The following RBFOX1 variants were observed in gnomAD, a reference collection of about 807,000 sequenced individuals.
RBFOX1 encodes RNA binding fox-1 homolog 1.
In RBFOX1, 8 loss-of-function variants were observed where a neutral mutation model predicts 57.7. That is an observed-to-expected ratio of 0.14 (90% CI 0.08 to 0.25). The LOEUF (loss-of-function observed/expected upper bound fraction) is 0.25, where lower values mean the gene tolerates loss of function less well. Among genes scored for constraint, RBFOX1 ranks in the 10% least tolerant of loss-of-function variants. RBFOX1 has a pLI of 1.00. For synonymous variants in RBFOX1, 326 were observed against 222.4 expected (o/e 1.47, Z -4.15); for missense variants, 611 against 548.5 (o/e 1.11, Z -1.14).
intron 2 of RBFOX1, among the ~76,000 whole-genome samples, chr16:6,637,958 G>A (rs2098458787): frequency 1.3e-5 from 2 of 152,002 alleles, no homozygotes; most frequent in Non-Finnish European, 2.9e-5. Flanking sequence ...CAGTATATTA[G>A]CCTTCATAAT....
intron 3 of RBFOX1, among the ~76,000 whole-genome samples, chr16:6,868,836 A>C (rs1165626818): frequency 2.0e-5 from 3 of 152,158 alleles, no homozygotes; most frequent in African/African-American, 7.2e-5. Flanking sequence ...GCTTTGCCAT[A>C]TGACTTACTT....
At chr16:7,698,997 C>T (rs1452754747) in intron 14 of RBFOX1, among the ~76,000 whole-genome samples, 1 of 152,182 alleles carries the variant, frequency 6.6e-6, no homozygotes, top group Non-Finnish European at 1.5e-5. Context: ...TTATCAAATT[C>T]TAGAAGAATG....
intron 1 of RBFOX1, chr16:5,270,719 A>T (rs779638820): frequency 9.5e-5 from 47 of 495,054 alleles, no homozygotes; most frequent in Middle Eastern, 6.4e-4. Context: ...GACTTGAAAG[A>T]AGTGGTCAAT....
intron 4 of RBFOX1, chr16:7,328,760 G>C (rs1255351856): frequency 6.6e-6 from 1 of 152,020 alleles, no homozygotes. Flanking sequence ...AGCATTAGGA[G>C]AGAGAAGAAG....
At chr16:6,221,814 A>T (rs1029261704) in intron 1 of RBFOX1, among the ~76,000 whole-genome samples, 15 of 152,168 alleles carry the variant, frequency 9.9e-5, no homozygotes, top group Admixed American at 9.8e-4. Flanking sequence ...AGTAACTACC[A>T]CAAGAACAGT....
At chr16:7,667,963 T>C (rs1044410441) in intron 13 of RBFOX1, among the ~76,000 whole-genome samples, 1 of 152,184 alleles carries the variant, frequency 6.6e-6, no homozygotes, top group Admixed American at 6.5e-5. Flanking sequence ...CGTGAGCCAC[T>C]GCACCAAGCC....
intron 1 of RBFOX1, among the ~76,000 whole-genome samples, chr16:6,220,853 A>G (rs1051176215): frequency 1.8e-4 from 27 of 152,208 alleles, no homozygotes; most frequent in African/African-American, 5.3e-4. Flanking sequence ...CATAATGAAC[A>G]TTTAACTTTT....
At chr16:5,702,021 C>A (rs1334497622) in intron 3 of RBFOX1, among the ~76,000 whole-genome samples, 2 of 152,132 alleles carry the variant, frequency 1.3e-5, no homozygotes, top group Non-Finnish European at 2.9e-5. Context: ...TCAATAGACA[C>A]GTGTTGATGG....
At chr16:5,869,771 C>A (rs2057424447) in intron 4 of RBFOX1, among the ~76,000 whole-genome samples, 1 of 152,098 alleles carries the variant, frequency 6.6e-6, no homozygotes, top group Non-Finnish European at 1.5e-5. Context: ...TGCAGTAGTT[C>A]CTACATAGGT....
At chr16:7,377,217 A>C (rs148601671) in intron 4 of RBFOX1, among the ~76,000 whole-genome samples, 41 of 152,228 alleles carry the variant, frequency 2.7e-4, no homozygotes, top group Non-Finnish European at 5.3e-4. Context: ...ATTCATGGAG[A>C]TTTGCTTGAC....
intron 5 of RBFOX1, among the ~76,000 whole-genome samples, chr16:7,578,015 C>T (rs1463955811): frequency 6.6e-6 from 1 of 152,238 alleles, no homozygotes; most frequent in Non-Finnish European, 1.5e-5. Context: ...ATGTGTCCAA[C>T]ACAAAGCAGT....
At chr16:6,082,890 G>A (rs987865019) in intron 1 of RBFOX1, among the ~76,000 whole-genome samples, 26 of 152,114 alleles carry the variant, frequency 1.7e-4, no homozygotes, top group African/African-American at 5.1e-4. Context: ...GCTTATCACG[G>A]AGCCTAGCCC....
intron 2 of RBFOX1, among the ~76,000 whole-genome samples, chr16:6,365,496 C>T (rs13335397): frequency 9.9e-5 from 15 of 152,096 alleles, no homozygotes; most frequent in South Asian, 2.1e-4. Flanking sequence ...GTATGGATAC[C>T]TTGGATACAT....
chr16:5,567,834 C>A (rs777010655), intron 2 of RBFOX1, among the ~76,000 whole-genome samples: 1 of 151,954 alleles, frequency 6.6e-6, no homozygotes, highest in Non-Finnish European at 1.5e-5. Flanking sequence ...TCATTATATT[C>A]GTTAATCCCC....
intron 2 of RBFOX1, among the ~76,000 whole-genome samples, chr16:6,640,341 G>C (rs2098476840): frequency 6.6e-6 from 1 of 152,030 alleles, no homozygotes; most frequent in African/African-American, 2.4e-5. Context: ...GGGCATAGTG[G>C]CTCACATCTG....
intron 2 of RBFOX1, among the ~76,000 whole-genome samples, chr16:6,328,251 G>A (rs1279309732): frequency 6.6e-6 from 1 of 152,148 alleles, no homozygotes; most frequent in Non-Finnish European, 1.5e-5. Flanking sequence ...GCATAAGAAT[G>A]ATGCAAGGAA....
chr16:5,965,758 G>T (rs2059830626), intron 4 of RBFOX1, among the ~76,000 whole-genome samples: 1 of 152,118 alleles, frequency 6.6e-6, no homozygotes, highest in Non-Finnish European at 1.5e-5. Context: ...TGGTTTCATG[G>T]GCAGAGTAGC....
intron 6 of RBFOX1, among the ~76,000 whole-genome samples, chr16:7,587,041 A>C (rs959848733): frequency 6.6e-6 from 1 of 152,222 alleles, no homozygotes; most frequent in African/African-American, 2.4e-5. Context: ...ATTTTGTATC[A>C]AGCCTTGCCG....
chr16:5,699,370 C>CT (rs35259674), intron 3 of RBFOX1, among the ~76,000 whole-genome samples: 7 of 138,982 alleles, frequency 5.0e-5, no homozygotes, highest in Middle Eastern at 7.4e-3. Flanking sequence ...CTTAATTTTC[C>CT]TTTTTTTTTT....
Sources: gnomAD v4.1 joint callset for allele counts (sites outside exome capture counted in the v4.1 genomes callset) on GRCh38, gnomAD v4.1.1 for gene constraint, MANE v1.5 for transcripts, NCBI Gene and HGNC (gene_info 2026-07-23, HGNC 2026-07-21) for gene names.